The following SNTG1 variants were observed in gnomAD, a reference collection of about 807,000 sequenced individuals.
SNTG1 encodes the protein syntrophin gamma 1.
A neutral mutation model predicts 74.7 loss-of-function variants in SNTG1; 39 were observed. That is an observed-to-expected ratio of 0.52 (90% CI 0.40 to 0.68). The LOEUF is 0.68. SNTG1 is among the 30% of genes least tolerant of loss of function. SNTG1 has a pLI of 0.00. For missense variants in SNTG1, 685 were observed against 609.5 expected, an observed-to-expected ratio of 1.12 and a Z score of -1.30; for synonymous variants, 254 against 217.1, an observed-to-expected ratio of 1.17 and a Z score of -1.49.
intron 17 of SNTG1, among the ~76,000 whole-genome samples, chr8:50,720,742 G>A (rs886381272): frequency 6.6e-6 from 1 of 152,144 alleles, no homozygotes; most frequent in Admixed American, 6.5e-5. Context: ...CAAATACCAG[G>A]TGATTTGTGA....
intron 2 of SNTG1, among the ~76,000 whole-genome samples, chr8:50,352,397 C>CTT (rs34505907): frequency 6.8e-6 from 1 of 146,298 alleles, no homozygotes; most frequent in Middle Eastern, 3.6e-3. Context: ...CGTTCTTTCT[C>CTT]TTTTTTTTTT....
At chr8:50,586,943 G>A (rs1277221701) in intron 12 of SNTG1, among the ~76,000 whole-genome samples, 1 of 151,752 alleles carries the variant, frequency 6.6e-6, no homozygotes, top group Non-Finnish European at 1.5e-5. Flanking sequence ...AGCAAAGGAA[G>A]CATTCATGTA....
intron 1 of SNTG1, among the ~76,000 whole-genome samples, chr8:49,979,045 C>G (rs1812433145): frequency 6.6e-6 from 1 of 152,206 alleles, no homozygotes; most frequent in South Asian, 2.1e-4. Flanking sequence ...CTTCCTTGGA[C>G]AAGCTGAAAA....
At chr8:49,987,159 G>A (rs1813240805) in intron 1 of SNTG1, among the ~76,000 whole-genome samples, 1 of 152,190 alleles carries the variant, frequency 6.6e-6, no homozygotes, top group Non-Finnish European at 1.5e-5. Context: ...CTGGACCCCA[G>A]GAGGGGGGAG....
At chr8:50,325,330 A>G (rs1467173216) in intron 2 of SNTG1, among the ~76,000 whole-genome samples, 3 of 151,948 alleles carry the variant, frequency 2.0e-5, no homozygotes, top group Non-Finnish European at 1.5e-5. Flanking sequence ...CATCTTGACA[A>G]TTGAGTCTAT....
chr8:49,910,718 G>A (rs1805535011), upstream of SNTG1, among the ~76,000 whole-genome samples: 1 of 152,030 alleles, frequency 6.6e-6, no homozygotes. Context: ...GGGAGGCGAG[G>A]GGGCAGCGTG....
chr8:50,358,213 AG>A (rs1384738222), intron 2 of SNTG1, among the ~76,000 whole-genome samples: 3 of 152,214 alleles, frequency 2.0e-5, no homozygotes, highest in Non-Finnish European at 4.4e-5. Context: ...TCGGAGTGAA[AG>A]GTAAAGAAAC....
chr8:49,954,903 A>G lies in SNTG1; in HGVS notation c.-103+42672A>G, dbSNP rs534838380. 1.2e-3 allele frequency among the ~76,000 whole-genome samples: 188 copies of G among 152,316 alleles called. 2 individuals carry two copies. The highest frequency in any genetic ancestry group is 6.5e-4 in the Admixed American group (10 of 15,306). The stretch of plus-strand genomic sequence containing the variant: ...TAATTATTTGAGATCAATATATGCT[A>G]AATGTTTATTTTCCAGTATTCCAGT... On this transcript the variant is annotated intron_variant, in intron 1 of 18. Transcript: ENST00000642720.
Position 50,794,969 on chromosome 8 carries a change from A to T in SNTG1, c.*2140A>T, listed in dbSNP as rs1355428168. The T allele has an allele frequency of 3.3e-5, 5 of 152,002 alleles. No homozygotes were observed. The highest frequency in any genetic ancestry group is 1.2e-4 in the African/African-American group (5 of 41,424). 9.4% of individuals were successfully genotyped at this position (152,002 alleles called of 1,614,324 possible). On this transcript the variant is annotated 3_prime_UTR_variant, in exon 19 of 19. Coordinates refer to ENST00000642720, the MANE Select transcript of SNTG1 (RefSeq NM_018967.5). ...AATTTAGCCTATGCTCATGTGTGTT[A>T]CGAAGGAAAAGGTGCACAATGAGAT... is the stretch of plus-strand genomic sequence containing the variant.
At chr8:49,919,501 A>G (rs1806340083) in intron 1 of SNTG1, among the ~76,000 whole-genome samples, 1 of 152,126 alleles carries the variant, frequency 6.6e-6, no homozygotes, top group South Asian at 2.1e-4. Flanking sequence ...TCTACTGCTG[A>G]GGGAATACTC....
chr8:50,576,649 T>G (rs1005378479), intron 12 of SNTG1, among the ~76,000 whole-genome samples: 2 of 152,076 alleles, frequency 1.3e-5, no homozygotes. Context: ...AAATGTTTTG[T>G]AGATTACATT....
chr8:50,614,984 C>A (rs1185086945), intron 13 of SNTG1, among the ~76,000 whole-genome samples: 20 of 150,380 alleles, frequency 1.3e-4, no homozygotes, highest in Admixed American at 1.3e-3. Flanking sequence ...ACTCTGTCGC[C>A]CAGGCTGGAG....
chr8:50,021,801 C>T (rs959793151), intron 1 of SNTG1, among the ~76,000 whole-genome samples: 1 of 148,546 alleles, frequency 6.7e-6, no homozygotes, highest in African/African-American at 2.4e-5. Flanking sequence ...ATTAGCCAGG[C>T]ATGGTGGCTT....
At chr8:50,550,638 T>C (rs945465773) in intron 11 of SNTG1, among the ~76,000 whole-genome samples, 3 of 151,898 alleles carry the variant, frequency 2.0e-5, no homozygotes, top group African/African-American at 4.8e-5. Context: ...AAAACAAGCC[T>C]GAACAAAAAA....
At chr8:50,148,946 T>C (rs1586481928) in intron 1 of SNTG1, among the ~76,000 whole-genome samples, 1 of 152,202 alleles carries the variant, frequency 6.6e-6, no homozygotes, top group Non-Finnish European at 1.5e-5. Context: ...ATGGTATTTC[T>C]AGTTCTAGAT....
At chr8:50,076,096 G>A (rs1821857594) in intron 1 of SNTG1, among the ~76,000 whole-genome samples, 1 of 152,172 alleles carries the variant, frequency 6.6e-6, no homozygotes, top group Non-Finnish European at 1.5e-5. Flanking sequence ...GTGCAATCAA[G>A]CGAAGTGTAG....
At chr8:50,405,464 A>G (rs537137483) in intron 4 of SNTG1, among the ~76,000 whole-genome samples, 2 of 152,128 alleles carry the variant, frequency 1.3e-5, no homozygotes, top group South Asian at 2.1e-4. Context: ...GTAAGTGTCT[A>G]TTCATATCCT....
At position 50,688,065 on chromosome 8, in the gene SNTG1, T is replaced by C. The variant is rs568110468; in HGVS notation, c.1039-16535T>C. Among the ~76,000 whole-genome samples, 107 of 152,312 alleles carry C rather than the reference T, an allele frequency of 7.0e-4. 1 individual carries two copies. Among genetic ancestry groups the C allele is most frequent in the Middle Eastern group, 6.8e-3 (2 of 294 alleles). On this transcript the variant is annotated intron_variant, in intron 15 of 18. Transcript: ENST00000642720. ...TGCATAAATGTCTTCTTTTGGGAAG[T>C]GTCTGTCCATATCCTTCACCCACTT...
At chr8:50,428,824 G>C (rs543839266) in intron 4 of SNTG1, among the ~76,000 whole-genome samples, 1 of 152,022 alleles carries the variant, frequency 6.6e-6, no homozygotes, top group African/African-American at 2.4e-5. Context: ...TATCTAGGGA[G>C]GTAAGTTCTG....
Sources: gnomAD v4.1 joint callset for allele counts (sites outside exome capture counted in the v4.1 genomes callset) on GRCh38, gnomAD v4.1.1 for gene constraint, MANE v1.5 for transcripts, NCBI Gene and HGNC (gene_info 2026-07-23, HGNC 2026-07-21) for gene names.